Variants in MCPH1 observed in about 807,000 individuals in gnomAD.
MCPH1 encodes microcephalin 1.
Under a neutral mutation model 84.5 loss-of-function variants are expected in MCPH1, and 104 were observed. That is an observed-to-expected ratio of 1.23 (90% CI 1.05 to 1.45). The LOEUF (loss-of-function observed/expected upper bound fraction) is 1.45, where lower values mean the gene tolerates loss of function less well. Ranked by LOEUF, MCPH1 falls within the 40% of genes most tolerant of loss-of-function variation. The pLI is 0.00. For missense variants in MCPH1, 1,498 were observed against 1,005.7 expected (o/e 1.49, Z -6.62); for synonymous variants, 514 against 366.8 (o/e 1.40, Z -4.58).
chr8:6,501,517 G>C (rs1026099067), intron 12 of MCPH1: 3 of 151,290 alleles, frequency 2.0e-5, no homozygotes, highest in Admixed American at 2.0e-4. Context: ...TTGTAGTCCC[G>C]AGTATAAAGC....
intron 13 of MCPH1, chr8:6,627,010 G>T: frequency 1.0e-6 from 1 of 984,352 alleles, no homozygotes. Context: ...TTTAGCCTCC[G>T]CCTGATTTTC....
At chr8:6,453,639 C>T (rs1355449912) in intron 8 of MCPH1, among the ~76,000 whole-genome samples, 2 of 152,106 alleles carry the variant, frequency 1.3e-5, no homozygotes, top group Admixed American at 6.6e-5. Flanking sequence ...TTGACACACT[C>T]ATGCTTCAAG....
chr8:6,559,548 G>T (rs3020237), intron 12 of MCPH1, among the ~76,000 whole-genome samples: 2 of 138,766 alleles, frequency 1.4e-5, no homozygotes, highest in Admixed American at 7.2e-5. Context: ...GTTTGCCTCC[G>T]TAGTAGGCAT....
chr8:6,433,830 T>C (rs918272162), intron 4 of MCPH1, among the ~76,000 whole-genome samples: 4 of 151,996 alleles, frequency 2.6e-5, no homozygotes, highest in African/African-American at 9.7e-5. Flanking sequence ...CTCAAGGCCT[T>C]ATTCTTTTGG....
rs886063071 is a variant in MCPH1, at chr8:6,643,461, C to T, written c.*412C>T. 5 of 243,594 alleles carry T rather than the reference C, an allele frequency of 2.1e-5. No homozygotes were observed. The highest frequency in any genetic ancestry group is 1.1e-4 in the East Asian group (1 of 9,454). The allele number at this position is 243,594 out of a possible 1,614,324, so 15.1% of individuals were successfully genotyped here. ...TGTAGTTTTAGTAGAGACAGGGTTT[C>T]GCCATGTTGGCCAGGCTGGTCTCAA... On this transcript the variant is annotated 3_prime_UTR_variant, in exon 14 of 14. Transcript: ENST00000344683.
chr8:6,539,883 G>C (rs1821224658), intron 12 of MCPH1, among the ~76,000 whole-genome samples: 1 of 152,166 alleles, frequency 6.6e-6, no homozygotes, highest in Admixed American at 6.5e-5. Flanking sequence ...CACTGTGCCT[G>C]GCCATTTAAT....
At chr8:6,419,390 A>AG (rs1197839101) in intron 3 of MCPH1, among the ~76,000 whole-genome samples, 3 of 11,488 alleles carry the variant, frequency 2.6e-4, no homozygotes, top group Non-Finnish European at 2.0e-3. Context: ...CCAGCCATTA[A>AG]AAAATTTTTT....
At position 6,445,217 on chromosome 8, in the gene MCPH1, G is replaced by C. The variant is rs146586991; in HGVS notation, c.1495G>C (p.Val499Leu). ...TGAAGGCCGTGCAACTTCGAGTTGC[G>C]TGACTTCTGCCCCTGAAGAAGCCCT... The part of the protein sequence containing the change: ...NGEGRATSSC[V>L]TSAPEEALRC... Residue 499 changes from valine to leucine, a missense_variant, in exon 8 of 14, where the codon GTG (valine) becomes CTG (leucine). Coordinates refer to ENST00000344683, the MANE Select transcript of MCPH1 (RefSeq NM_024596.5). The C allele has an allele frequency of 6.2e-7, 1 of 1,614,140 alleles. No individual in the cohort carries two copies. Among genetic ancestry groups the C allele is most frequent in the Admixed American group, 1.7e-5 (1 of 60,010 alleles).
chr8:6,492,853 T>A (rs1810805880), intron 11 of MCPH1, among the ~76,000 whole-genome samples: 1 of 151,992 alleles, frequency 6.6e-6, no homozygotes, highest in African/African-American at 2.4e-5. Flanking sequence ...ATTGTACTCT[T>A]GGGTAGTACA....
intron 12 of MCPH1, among the ~76,000 whole-genome samples, chr8:6,580,233 C>T (rs939615383): frequency 6.6e-6 from 1 of 152,220 alleles, no homozygotes; most frequent in African/African-American, 2.4e-5. Flanking sequence ...AAGGTCTCCC[C>T]TGTACTCACG....
intron 12 of MCPH1, among the ~76,000 whole-genome samples, chr8:6,582,392 C>T (rs562542465): frequency 2.6e-5 from 4 of 152,250 alleles, no homozygotes; most frequent in Non-Finnish European, 4.4e-5. Context: ...AGTTTAGTGA[C>T]GTTGCAGAGC....
chr8:6,458,982 A>C (rs575001401), intron 9 of MCPH1, among the ~76,000 whole-genome samples: 10 of 152,170 alleles, frequency 6.6e-5, no homozygotes, highest in Admixed American at 1.3e-4. Context: ...ACTTCCCAGT[A>C]GTTTGAGATC....
At chr8:6,524,298 G>C (rs1817931598) in intron 12 of MCPH1, among the ~76,000 whole-genome samples, 1 of 152,160 alleles carries the variant, frequency 6.6e-6, no homozygotes, top group South Asian at 2.1e-4. Flanking sequence ...CTACTAACAA[G>C]TTACCACAGC....
chr8:6,478,843 T>C (rs761354304), intron 10 of MCPH1, among the ~76,000 whole-genome samples: 46 of 152,360 alleles, frequency 3.0e-4, no homozygotes, highest in Non-Finnish European at 6.2e-4. Flanking sequence ...GAGGCCCAGA[T>C]CTTGACTCAC....
At chr8:6,461,573 C>T (rs1806302465) in intron 9 of MCPH1, among the ~76,000 whole-genome samples, 1 of 151,886 alleles carries the variant, frequency 6.6e-6, no homozygotes, top group South Asian at 2.1e-4. Context: ...CTCCTGACCT[C>T]AAGTGATGTG....
chr8:6,553,235 C>T (rs767690404), intron 12 of MCPH1, among the ~76,000 whole-genome samples: 26 of 152,076 alleles, frequency 1.7e-4, no homozygotes, highest in Non-Finnish European at 3.4e-4. Flanking sequence ...ACTTTACTCT[C>T]GATGTGGCTG....
intron 13 of MCPH1, among the ~76,000 whole-genome samples, chr8:6,636,067 G>A (rs557800599): frequency 1.2e-3 from 176 of 152,320 alleles, no homozygotes; most frequent in African/African-American, 4.1e-3. Flanking sequence ...GGGCAGGCAC[G>A]GTGGCTCACG....
intron 13 of MCPH1, chr8:6,625,961 C>T (rs2912057): frequency 0.41 from 405,961 of 984,542 alleles, 84,382 homozygotes; most frequent in East Asian, 0.68. Context: ...TATTAGTATT[C>T]TGTGGCCAGA....
intron 13 of MCPH1, among the ~76,000 whole-genome samples, chr8:6,635,987 G>A (rs1022300978): frequency 3.3e-5 from 5 of 152,198 alleles, no homozygotes; most frequent in African/African-American, 1.2e-4. Flanking sequence ...ATTTTTTACT[G>A]TGAAGTACTT....
Sources: allele counts gnomAD v4.1 joint callset (sites outside exome capture counted in the v4.1 genomes callset), GRCh38; gene constraint gnomAD v4.1.1; transcripts MANE v1.5; gene names NCBI Gene and HGNC (gene_info 2026-07-23, HGNC 2026-07-21).